The following MB21D2 variants were observed in gnomAD, a reference collection of about 807,000 sequenced individuals.
MB21D2 encodes the protein nucleotidyltransferase MB21D2.
Under a neutral mutation model 33.3 loss-of-function variants are expected in MB21D2, and 9 were observed. That is an observed-to-expected ratio of 0.27 (90% CI 0.16 to 0.47). The LOEUF (loss-of-function observed/expected upper bound fraction) is 0.47, where lower values mean the gene tolerates loss of function less well. Ranked by LOEUF, MB21D2 falls within the 20% of genes least tolerant of loss-of-function variation. The pLI is 0.99. For synonymous variants in MB21D2, 241 were observed against 236.3 expected, an observed-to-expected ratio of 1.02 and a Z score of -0.18; for missense variants, 540 against 624.6, an observed-to-expected ratio of 0.86 and a Z score of 1.44.
chr3:192,916,290 G>A (rs1298326596), intron 1 of MB21D2, among the ~76,000 whole-genome samples: 3 of 151,990 alleles, frequency 2.0e-5, no homozygotes, highest in Non-Finnish European at 4.4e-5. Context: ...ACTACCAGCG[G>A]ACACAGACAC....
chr3:192,914,677 G>A (rs1714424855), intron 1 of MB21D2, among the ~76,000 whole-genome samples: 2 of 152,220 alleles, frequency 1.3e-5, no homozygotes, highest in South Asian at 4.2e-4. Context: ...GGAATAAGAA[G>A]TGAATCTAGA....
chr3:192,850,870 C>A (rs1208307050), intron 1 of MB21D2, among the ~76,000 whole-genome samples: 4 of 152,214 alleles, frequency 2.6e-5, no homozygotes, highest in Non-Finnish European at 4.4e-5. Flanking sequence ...AACTTCCTCC[C>A]ACGTTTACAC....
intron 1 of MB21D2, among the ~76,000 whole-genome samples, chr3:192,815,087 T>C (rs1264598360): frequency 6.6e-6 from 1 of 152,184 alleles, no homozygotes; most frequent in African/African-American, 2.4e-5. Context: ...TTTAATTTCA[T>C]AGTATTAAAG....
chr3:192,799,388 G>A lies in MB21D2; in HGVS notation c.474C>T (p.Ile158=), dbSNP rs201591025. 1.9e-6 allele frequency: 3 copies of A among 1,614,230 alleles called. No individual in the cohort carries two copies. In the East Asian group the frequency reaches 6.7e-5, roughly 36 times the overall value. Residue 158 remains isoleucine (I), a synonymous_variant, in exon 2 of 2, where the codon ATC becomes ATT. Coordinates refer to ENST00000392452, the MANE Select transcript of MB21D2 (RefSeq NM_178496.4). This position sits in a 1 kb window ranked among gnomAD's most constrained non-coding sequence, Gnocchi z 4.1. Reference sequence around the variant, plus strand: ...TGGTGCAGCAGTCTTTCCATTTACTGATTGTCCCCTCATCAAAGAGCCGAA... The same window carrying A: ...TGGTGCAGCAGTCTTTCCATTTACTAATTGTCCCCTCATCAAAGAGCCGAA... The part of the protein sequence containing the change: ...LSLRLFDEGT[I]SKWKDCCTIV...
At chr3:192,910,682 TAA>T (rs1228659682) in intron 1 of MB21D2, among the ~76,000 whole-genome samples, 3 of 152,226 alleles carry the variant, frequency 2.0e-5, no homozygotes, top group Non-Finnish European at 4.4e-5. Flanking sequence ...CCCTGTTATG[TAA>T]ATGTACACAT....
At chr3:192,850,741 G>A (rs192429703) in intron 1 of MB21D2, among the ~76,000 whole-genome samples, 31 of 152,242 alleles carry the variant, frequency 2.0e-4, no homozygotes, top group African/African-American at 7.0e-4. Flanking sequence ...AATCCACTGC[G>A]CACCATAATC....
At position 192,804,129 on chromosome 3, in the gene MB21D2, C is replaced by A. The variant is rs115663568; in HGVS notation, c.212-4479G>T. ...TCCTAAGTTTAAGGAATGTGTTTCA[C>A]GTCATGCTTTCAGTTATTTACTGAT... On this transcript the variant is annotated intron_variant, in intron 1 of 1. Transcript: ENST00000392452. Among the ~76,000 whole-genome samples, 3 of 152,158 alleles carry A rather than the reference C, an allele frequency of 2.0e-5. No individual in the cohort carries two copies. In the East Asian group the frequency reaches 5.8e-4, roughly 29 times the overall value.
At chr3:192,885,106 T>C (rs1713704057) in intron 1 of MB21D2, among the ~76,000 whole-genome samples, 1 of 152,084 alleles carries the variant, frequency 6.6e-6, no homozygotes, top group Non-Finnish European at 1.5e-5. Context: ...GAAATCATAA[T>C]AGCAAGGGTT....
chr3:192,848,481 C>T (rs1287221670), intron 1 of MB21D2, among the ~76,000 whole-genome samples: 1 of 152,206 alleles, frequency 6.6e-6, no homozygotes, highest in Non-Finnish European at 1.5e-5. Context: ...TAGATGCATG[C>T]CACAAGAAGC....
At chr3:192,827,475 CT>C (rs924485234) in intron 1 of MB21D2, among the ~76,000 whole-genome samples, 1 of 152,074 alleles carries the variant, frequency 6.6e-6, no homozygotes, top group Non-Finnish European at 1.5e-5. Flanking sequence ...AGTGCTGACA[CT>C]TAGAGAAGTC....
intron 1 of MB21D2, among the ~76,000 whole-genome samples, chr3:192,870,699 G>GACAAAA (rs1713272610): frequency 2.4e-5 from 1 of 41,670 alleles, no homozygotes; most frequent in African/African-American, 1.1e-4. Context: ...CGACTCCGTT[G>GACAAAA]AAAAAAAAAA....
intron 1 of MB21D2, among the ~76,000 whole-genome samples, chr3:192,901,292 G>A (rs1006596815): frequency 2.0e-5 from 3 of 151,764 alleles, no homozygotes; most frequent in African/African-American, 4.8e-5. Flanking sequence ...TATTGCGGCC[G>A]GGAGCGGTGG....
intron 1 of MB21D2, among the ~76,000 whole-genome samples, chr3:192,900,503 A>C (rs1714072711): frequency 6.6e-6 from 1 of 152,100 alleles, no homozygotes; most frequent in African/African-American, 2.4e-5. Context: ...AAGTCACAGC[A>C]CCATGTTCTG....
intron 1 of MB21D2, among the ~76,000 whole-genome samples, chr3:192,911,065 A>G (rs928477671): frequency 3.3e-4 from 50 of 152,210 alleles, no homozygotes; most frequent in African/African-American, 1.2e-3. Flanking sequence ...AATGTTAATA[A>G]CTGGAGATTC....
chr3:192,820,988 G>A (rs1712040130), intron 1 of MB21D2, among the ~76,000 whole-genome samples: 2 of 151,734 alleles, frequency 1.3e-5, no homozygotes, highest in Non-Finnish European at 2.9e-5. Context: ...GGCTAGTCCC[G>A]AACTCCTGGC....
intron 1 of MB21D2, among the ~76,000 whole-genome samples, chr3:192,888,034 A>T (rs1370881805): frequency 6.6e-6 from 1 of 152,036 alleles, no homozygotes; most frequent in Non-Finnish European, 1.5e-5. Flanking sequence ...CTTTATTTAA[A>T]TTGCATATCT....
intron 1 of MB21D2, among the ~76,000 whole-genome samples, chr3:192,815,286 G>A (rs1409661806): frequency 6.6e-6 from 1 of 152,182 alleles, no homozygotes; most frequent in African/African-American, 2.4e-5. Context: ...AAGCAAAGGT[G>A]ACACAGCACT....
At chr3:192,892,008 G>C (rs527662042) in intron 1 of MB21D2, among the ~76,000 whole-genome samples, 1 of 152,194 alleles carries the variant, frequency 6.6e-6, no homozygotes, top group African/African-American at 2.4e-5. Context: ...TTACTTCATA[G>C]GGTAAAATCA....
At chr3:192,917,155 G>C (rs998929135) in intron 1 of MB21D2, among the ~76,000 whole-genome samples, 2 of 152,194 alleles carry the variant, frequency 1.3e-5, no homozygotes, top group African/African-American at 4.8e-5. Flanking sequence ...CTTGTCGCTC[G>C]GGCGCCAAGC....
Sources: gnomAD v4.1 joint callset for allele counts (sites outside exome capture counted in the v4.1 genomes callset) on GRCh38, gnomAD v4.1.1 for gene constraint, Gnocchi (gnomAD v3.1) non-coding constraint, MANE v1.5 for transcripts, NCBI Gene and HGNC (gene_info 2026-07-23, HGNC 2026-07-21) for gene names.